MKNK1: variants seen among roughly 807,000 people sequenced by gnomAD.
The protein encoded by MKNK1 is MAP kinase-interacting serine/threonine-protein kinase 1.
A neutral mutation model predicts 49.3 loss-of-function variants in MKNK1; 30 were observed. That is an observed-to-expected ratio of 0.61 (90% CI 0.46 to 0.83). The LOEUF (loss-of-function observed/expected upper bound fraction) is 0.83. Among genes scored for constraint, MKNK1 ranks in the 40% least tolerant of loss-of-function variants. The pLI, the probability that MKNK1 is intolerant of heterozygous loss-of-function variation, is 0.00. For missense variants in MKNK1, 423 were observed against 524.7 expected (o/e 0.81, Z 1.89); for synonymous variants, 176 against 201.7 (o/e 0.87, Z 1.08).
chr1:46,586,332 T>G (rs1451230109), intron 2 of MKNK1: 1 of 224,528 alleles, frequency 4.5e-6, no homozygotes, highest in African/African-American at 2.2e-5. Flanking sequence ...TGAGTTAAGG[T>G]TTCTACAGAG....
chr1:46,568,587 G>A (rs1669516489), intron 7 of MKNK1, 89 bp from the exon 8 acceptor site: 1 of 1,269,934 alleles, frequency 7.9e-7, no homozygotes, highest in Non-Finnish European at 1.1e-6. Flanking sequence ...AAATGCTGTA[G>A]TTCGCAGATT....
At chr1:46,585,210 A>AT (rs1323673089) in intron 2 of MKNK1, among the ~76,000 whole-genome samples, 1 of 118,000 alleles carries the variant, frequency 8.5e-6, no homozygotes, top group Non-Finnish European at 1.7e-5. Flanking sequence ...AGATCACGCC[A>AT]TTGCACTCCA....
rs771017917 is a variant in MKNK1 at position 46,563,010 on chromosome 1, G to A, written c.610-167C>T. ...CAGTGAGCCGCCTGATGCCACCAAG[G>A]CATCTGCAGACTGAGCTCCATCATT... On this transcript the variant is annotated intron_variant, in intron 9 of 12. Coordinates refer to ENST00000371945, the MANE Select transcript of MKNK1 (RefSeq NM_001135553.4). The A allele has an allele frequency of 8.7e-6, 5 of 577,682 alleles. No individual in the cohort carries two copies. The South Asian group carries it at 1.2e-4, about 14-fold the overall frequency. The allele number at this position is 577,682 out of a possible 1,614,324, so 35.8% of individuals were successfully genotyped here.
chr1:46,588,948 G>T (rs1466685404), intron 2 of MKNK1, among the ~76,000 whole-genome samples: 1 of 152,254 alleles, frequency 6.6e-6, no homozygotes, highest in Non-Finnish European at 1.5e-5. Context: ...CTTCTCTGAG[G>T]ATCAGTTTCC....
chr1:46,575,027 T>C lies in MKNK1; in HGVS notation c.279-7A>G. 2 of 1,580,868 alleles carry C rather than the reference T, an allele frequency of 1.3e-6. 1 individual carries two copies. Among genetic ancestry groups the C allele is most frequent in the African/African-American group, 2.7e-5 (2 of 74,244 alleles). On this transcript the variant is annotated splice_polypyrimidine_tract_variant and splice_region_variant and intron_variant, in intron 5 of 12. Transcript: ENST00000371945. Reference sequence around the variant, plus strand: ...AATCAGCTCCAAAATGTTCCTTAAATAGGGAAAATAGGAGGAGAGGGAAAA... The same window carrying C: ...AATCAGCTCCAAAATGTTCCTTAAACAGGGAAAATAGGAGGAGAGGGAAAA...
intron 1 of MKNK1, among the ~76,000 whole-genome samples, chr1:46,602,897 T>C (rs150408536): frequency 3.3e-5 from 5 of 152,198 alleles, no homozygotes; most frequent in African/African-American, 1.2e-4. Context: ...GGAGACCACA[T>C]GCACTTTCTA....
rs1368994107 is a variant in MKNK1 at position 46,563,831 on chromosome 1, G to A, written c.610-988C>T. ...GAGGCCGAGGCGGGTGGTTCACAAG[G>A]TCAGGAGATCGAGACCATCCTGGCT... On this transcript the variant is annotated intron_variant, in intron 9 of 12. Coordinates refer to ENST00000371945, the MANE Select transcript of MKNK1 (RefSeq NM_001135553.4). 6.7e-5 allele frequency among the ~76,000 whole-genome samples: 10 copies of A among 149,542 alleles called. No individual in the cohort carries two copies. The East Asian group carries it at 2.0e-3, about 29-fold the overall frequency.
intron 2 of MKNK1, among the ~76,000 whole-genome samples, chr1:46,592,437 C>T (rs922654597): frequency 6.6e-6 from 1 of 152,168 alleles, no homozygotes; most frequent in African/African-American, 2.4e-5. Context: ...TTTGGGGACC[C>T]CCATGGTCTG....
intron 2 of MKNK1, among the ~76,000 whole-genome samples, chr1:46,588,261 C>T (rs12095096): frequency 0.049 from 7,403 of 152,226 alleles, 205 homozygotes; most frequent in African/African-American, 0.086. Flanking sequence ...CTAAATTGTA[C>T]ACAATGAAAT....
At chr1:46,575,254 C>T (rs1670782973) in intron 5 of MKNK1, 1 of 457,870 alleles carries the variant, frequency 2.2e-6, no homozygotes, top group African/African-American at 2.0e-5. Flanking sequence ...TTCACCAAGT[C>T]TGTGCTGTCA....
At position 46,558,631 on chromosome 1, in the gene MKNK1, G is replaced by T. The variant is rs144775684; in HGVS notation, c.1183C>A (p.Arg395=). 8.6e-5 allele frequency: 139 copies of T among 1,614,028 alleles called. No individual in the cohort carries two copies. The African/African-American group carries it at 1.7e-3, about 20-fold the overall frequency. ...CCACGGCCTGCCTGGGCCAGGGCCC[G>T]TCTCCGGGCCAGGCGTGACTTGCAG... ...PPCKSRLARR[R]ALAQAGRGED... is the part of the protein sequence containing the mutation. Residue 395 remains arginine (R), a synonymous_variant, in exon 13 of 13, where the codon CGG becomes AGG. Transcript: ENST00000371945.
chr1:46,596,770 T>C (rs1674118571), intron 1 of MKNK1, among the ~76,000 whole-genome samples: 4 of 152,332 alleles, frequency 2.6e-5, no homozygotes, highest in Admixed American at 2.0e-4. Flanking sequence ...ATAGTAACTC[T>C]TATTCCAGCT....
At chr1:46,597,047 TACCA>T (rs1674160520) in intron 1 of MKNK1, among the ~76,000 whole-genome samples, 1 of 152,134 alleles carries the variant, frequency 6.6e-6, no homozygotes, top group Admixed American at 6.5e-5. Context: ...TAGCATTCTT[TACCA>T]ACTACCCAGA....
chr1:46,579,136 A>G (rs1671397886), intron 4 of MKNK1, among the ~76,000 whole-genome samples: 1 of 152,230 alleles, frequency 6.6e-6, no homozygotes, highest in Non-Finnish European at 1.5e-5. Context: ...AAATTAAGAC[A>G]GTGCTCTTGT....
At chr1:46,575,274 C>A (rs1448647765) in intron 5 of MKNK1, 3 of 404,838 alleles carry the variant, frequency 7.4e-6, no homozygotes, top group Non-Finnish European at 1.3e-5. Flanking sequence ...AAACCCCAGC[C>A]CTAAAACCCA....
chr1:46,576,561 C>G lies in MKNK1; in HGVS notation c.278+14G>C. 1 of 1,610,342 alleles carries G rather than the reference C, an allele frequency of 6.2e-7. No homozygotes were observed. Among genetic ancestry groups the G allele is most frequent in the Non-Finnish European group, 8.5e-7 (1 of 1,176,612 alleles). On this transcript the variant is annotated intron_variant, in intron 5 of 12. Coordinates refer to ENST00000371945, the MANE Select transcript of MKNK1 (RefSeq NM_001135553.4). ...GTCCCCCCAGAGAAGCAGCGAGAAT[C>G]ACATGATACTCACTTGTTTCCCTGA...
intron 3 of MKNK1, 77 bp downstream of exon 3, chr1:46,583,151 G>A (rs140500026): frequency 1.0e-4 from 116 of 1,127,306 alleles, no homozygotes; most frequent in Middle Eastern, 8.0e-4. Context: ...TTCTGTGATC[G>A]GACCTGTGGC....
At chr1:46,594,974 G>A (rs925739182) in intron 1 of MKNK1, 2 of 239,690 alleles carry the variant, frequency 8.3e-6, no homozygotes, top group African/African-American at 2.4e-5. Context: ...GTGACAGAGC[G>A]AGGCACTCCT....
chr1:46,574,852 G>T (rs994351082), intron 6 of MKNK1, 95 bp downstream of exon 6: 1 of 821,792 alleles, frequency 1.2e-6, no homozygotes, highest in Non-Finnish European at 2.0e-6. Flanking sequence ...CTTTTTATTA[G>T]CTTGACTCGT....
Sources: gnomAD v4.1 joint callset for allele counts (sites outside exome capture counted in the v4.1 genomes callset) on GRCh38, gnomAD v4.1.1 for gene constraint, MANE v1.5 for transcripts, NCBI Gene and HGNC (gene_info 2026-07-23, HGNC 2026-07-21) for gene names.